Variants in MLKL observed in about 807,000 individuals in gnomAD.
MLKL encodes mixed lineage kinase domain like pseudokinase, also known as mixed lineage kinase domain-like protein.
MLKL carries 55 observed loss-of-function variants against 56.5 expected under a neutral mutation model. The ratio of observed to expected loss-of-function variants is 0.97; its 90% CI spans 0.78 to 1.22. The LOEUF is 1.22. Among genes scored for constraint, MLKL ranks in the 50% most tolerant of loss-of-function variants. The pLI is 0.00. For synonymous variants in MLKL, 251 were observed against 208.3 expected (o/e 1.20, Z -1.76); for missense variants, 694 against 573.9 (o/e 1.21, Z -2.14).
At chr16:74,680,264 G>C (rs553832238) in intron 6 of MLKL, among the ~76,000 whole-genome samples, 46 of 152,314 alleles carry the variant, frequency 3.0e-4, no homozygotes, top group African/African-American at 1.1e-3. Flanking sequence ...GATATTAACA[G>C]TGTCCCCTAC....
chr16:74,676,277 A>C (rs1959590975), intron 7 of MLKL: 1 of 989,326 alleles, frequency 1.0e-6, no homozygotes, highest in African/African-American at 1.7e-5. Flanking sequence ...AGTGTGAGTC[A>C]TCCCCCCAGG....
At chr16:74,691,606 G>A in intron 3 of MLKL, 143 bp from the exon 4 acceptor site, 1 of 899,578 alleles carries the variant, frequency 1.1e-6, no homozygotes, top group Non-Finnish European at 1.7e-6. Context: ...GCTTCTGATG[G>A]ACTCAGCCCA....
intron 4 of MLKL, among the ~76,000 whole-genome samples, chr16:74,687,986 T>C (rs1960437667): frequency 6.6e-6 from 1 of 152,266 alleles, no homozygotes; most frequent in African/African-American, 2.4e-5. Flanking sequence ...CCACCACACC[T>C]GGCTAATTTT....
At chr16:74,696,691 C>G (rs1427671234) in intron 1 of MLKL, among the ~76,000 whole-genome samples, 4 of 151,302 alleles carry the variant, frequency 2.6e-5, no homozygotes, top group Admixed American at 1.3e-4. Context: ...GGCGCGGTGA[C>G]TCACGCCAGT....
At chr16:74,685,972 T>G (rs1396827857) in intron 4 of MLKL, among the ~76,000 whole-genome samples, 24 of 151,926 alleles carry the variant, frequency 1.6e-4, no homozygotes, top group Non-Finnish European at 2.9e-5. Flanking sequence ...CTTTTTTTTT[T>G]TTTTGGAGAC....
chr16:74,697,820 AAAAC>A (rs773474487), intron 1 of MLKL, among the ~76,000 whole-genome samples: 19 of 151,964 alleles, frequency 1.3e-4, no homozygotes, highest in Non-Finnish European at 2.4e-4. Flanking sequence ...CTGTCTCGAA[AAAAC>A]AAACAGGTGA....
At chr16:74,697,773 G>C (rs895631009) in intron 1 of MLKL, among the ~76,000 whole-genome samples, 17 of 150,506 alleles carry the variant, frequency 1.1e-4, no homozygotes, top group African/African-American at 4.2e-4. Context: ...GAGCTATGAT[G>C]ACACCACTGC....
intron 2 of MLKL, 107 bp from the exon 3 acceptor site, chr16:74,692,523 A>G (rs1456030451): frequency 9.5e-6 from 8 of 843,062 alleles, no homozygotes; most frequent in African/African-American, 3.4e-5. Flanking sequence ...TTTACCTATC[A>G]TATTCATTAT....
intron 9 of MLKL, 70 bp from the exon 10 acceptor site, chr16:74,675,170 C>T (rs1050061423): frequency 6.3e-7 from 1 of 1,590,134 alleles, no homozygotes; most frequent in African/African-American, 1.3e-5. Context: ...ATGCTGATGG[C>T]TGGCATCAGA....
chr16:74,673,952 T>TA (rs5817923), intron 10 of MLKL, among the ~76,000 whole-genome samples: 3,300 of 104,614 alleles, frequency 0.032, 70 homozygotes, highest in Non-Finnish European at 0.04. Flanking sequence ...ACCTCCTCTC[T>TA]AAAAAAAAAA....
chr16:74,685,535 G>A lies in MLKL; in HGVS notation c.771C>T (p.Phe257=), dbSNP rs568554020. The A allele has an allele frequency of 1.9e-5, 31 of 1,614,016 alleles. No individual in the cohort carries two copies. Among genetic ancestry groups the A allele is most frequent in the African/African-American group, 1.7e-4 (13 of 75,034 alleles). The change falls in exon 5 of 11, where the codon TTC becomes TTT. Residue 257 remains phenylalanine, a synonymous_variant. Transcript: ENST00000308807. ...ATATACGCAGGATGTTGGGAGATTC[G>A]AATTTCTTCATGGTTTTGATCTCCT... ...FNKEIKTMKK[F]ESPNILRIFG... is the part of the protein sequence containing the mutation.
At chr16:74,674,525 T>C (rs1235873069) in intron 10 of MLKL, among the ~76,000 whole-genome samples, 1 of 150,676 alleles carries the variant, frequency 6.6e-6, no homozygotes, top group East Asian at 2.0e-4. Context: ...TGGCGTGATC[T>C]TGGCTCACTG....
chr16:74,680,266 G>A (rs1212008961), intron 6 of MLKL, among the ~76,000 whole-genome samples: 3 of 152,156 alleles, frequency 2.0e-5, no homozygotes, highest in Non-Finnish European at 2.9e-5. Flanking sequence ...TATTAACAGT[G>A]TCCCCTACAA....
Position 74,695,454 on chromosome 16 carries a change from T to C in MLKL, c.304A>G (p.Asn102Asp). 2 of 1,614,212 alleles carry C rather than the reference T, an allele frequency of 1.2e-6. No individual in the cohort carries two copies. Among genetic ancestry groups the C allele is most frequent in the Non-Finnish European group, 1.7e-6 (2 of 1,180,034 alleles). Residue 102 changes from asparagine to aspartate, a missense_variant, in exon 2 of 11, where the codon AAC (asparagine) becomes GAC (aspartate). By Grantham distance (23) the Asn-to-Asp change is conservative. Coordinates refer to ENST00000308807, the MANE Select transcript of MLKL (RefSeq NM_152649.4). The part of the protein sequence containing the change: ...SQDKILFKDV[N>D]RKLSDVWKEL... ...TTCCAGACATCACTCAGCTTCCTGT[T>C]CACGTCCTTGAAGAGTATTTTGTCC...
Position 74,700,444 on chromosome 16 carries a change from C to G in MLKL, c.-3+9G>C, listed in dbSNP as rs1002705858. The G allele has an allele frequency of 6.6e-6, 1 of 152,514 alleles. No homozygotes were observed. The highest frequency in any genetic ancestry group is 1.5e-5 in the Non-Finnish European group (1 of 68,292). The allele number at this position is 152,514 out of a possible 1,614,324, so 9.4% of individuals were successfully genotyped here. On this transcript the variant is annotated intron_variant, in intron 1 of 10. Coordinates refer to ENST00000308807, the MANE Select transcript of MLKL (RefSeq NM_152649.4). Reference sequence around the variant, plus strand: ...GCCCCGCCGCCTCCTGGGAAGACCCCATGCTCACCTTCGCGCCTCCCGAGG... The same window carrying G: ...GCCCCGCCGCCTCCTGGGAAGACCCGATGCTCACCTTCGCGCCTCCCGAGG...
At chr16:74,700,173 C>T (rs559271079) in intron 1 of MLKL, among the ~76,000 whole-genome samples, 2 of 152,288 alleles carry the variant, frequency 1.3e-5, no homozygotes, top group Non-Finnish European at 2.9e-5. Flanking sequence ...AGCCTGCAAA[C>T]CTGAAGACTT....
chr16:74,692,812 G>A (rs1425176098), intron 2 of MLKL, among the ~76,000 whole-genome samples: 6 of 152,242 alleles, frequency 3.9e-5, no homozygotes, highest in Admixed American at 3.9e-4. Flanking sequence ...TTGCCTGAAT[G>A]AGAAATAAAC....
chr16:74,674,959 C>A lies in MLKL; in HGVS notation c.1381+1G>T, dbSNP rs752141168. The stretch of plus-strand genomic sequence containing the variant: ...GCTCTTTACACCAGAAAGAACCCTA[C>A]CATCCACAGAGGGCCGCACAGAGGG... On this transcript the variant is annotated splice_donor_variant, in intron 10 of 10. Transcript: ENST00000308807. LOFTEE classifies it high-confidence loss of function. The A allele has an allele frequency of 2.5e-6, 4 of 1,612,890 alleles. No individual in the cohort carries two copies. The highest frequency in any genetic ancestry group is 3.4e-6 in the Non-Finnish European group (4 of 1,179,686).
At chr16:74,692,968 G>C (rs1960763969) in intron 2 of MLKL, among the ~76,000 whole-genome samples, 1 of 152,208 alleles carries the variant, frequency 6.6e-6, no homozygotes, top group Non-Finnish European at 1.5e-5. Context: ...GGACTGAGGA[G>C]CTCTGGGGAC....
Sources: allele counts gnomAD v4.1 joint callset (sites outside exome capture counted in the v4.1 genomes callset), GRCh38; gene constraint gnomAD v4.1.1; transcripts MANE v1.5; gene names NCBI Gene and HGNC (gene_info 2026-07-23, HGNC 2026-07-21).